GCN1: variants seen among roughly 807,000 people sequenced by gnomAD.
The protein encoded by GCN1 is stalled ribosome sensor GCN1.
Under a neutral mutation model 288.4 loss-of-function variants are expected in GCN1, and 90 were observed. The ratio of observed to expected loss-of-function variants is 0.31; its 90% CI spans 0.26 to 0.37. The LOEUF (loss-of-function observed/expected upper bound fraction) is 0.37, where lower values mean the gene tolerates loss of function less well. Among genes scored for constraint, GCN1 ranks in the 10% least tolerant of loss-of-function variants. GCN1 has a pLI of 1.00. For missense variants in GCN1, 2,586 were observed against 3,419.9 expected (o/e 0.76, Z 6.08); for synonymous variants, 1,386 against 1,420.2 (o/e 0.98, Z 0.54).
Position 120,156,183 on chromosome 12 carries a change from A to G in GCN1, c.3312+278T>C, listed in dbSNP as rs949619602. ...ACATGGCAGTGGGCTAAAGAATTGA[A>G]CTCCTCCTGCAAGTTAGCTCTGTCC... On this transcript the variant is annotated intron_variant, in intron 28 of 57. Transcript: ENST00000300648. The surrounding 1 kb of genome is among the most constrained non-coding windows in gnomAD (Gnocchi z 5.8). 1.3e-5 allele frequency among the ~76,000 whole-genome samples: 2 copies of G among 152,060 alleles called. No individual in the cohort carries two copies. Among genetic ancestry groups the G allele is most frequent in the Admixed American group, 6.5e-5 (1 of 15,268 alleles).
chr12:120,151,114 G>C (rs1046281634), intron 34 of GCN1, 31 bp downstream of exon 34: 1 of 1,603,886 alleles, frequency 6.2e-7, no homozygotes, highest in Non-Finnish European at 8.5e-7. Flanking sequence ...AACTTCCCAT[G>C]CTGGGCAGCC....
chr12:120,170,652 T>C (rs572910946), intron 14 of GCN1, among the ~76,000 whole-genome samples: 21 of 151,456 alleles, frequency 1.4e-4, no homozygotes, highest in Admixed American at 9.9e-4. Context: ...CTATTAAAAA[T>C]ACAAAATTAG....
rs759451631 is a variant in GCN1 at position 120,151,365 on chromosome 12, C to T, written c.4089G>A (p.Leu1363=). 2 of 1,613,726 alleles carry T rather than the reference C, an allele frequency of 1.2e-6. No individual in the cohort carries two copies. Among genetic ancestry groups the T allele is most frequent in the Non-Finnish European group, 8.5e-7 (1 of 1,179,920 alleles). ...QQVQESVASC[L]PPLVPAIKED... The stretch of plus-strand genomic sequence containing the variant: ...CCTTGATGGCTGGCACAAGGGGTGG[C>T]AAGCAGCTGGCTACGGACTCCTGGA... The change falls in exon 34 of 58, where the codon TTG becomes TTA. Residue 1363 remains leucine (L), a synonymous_variant. Coordinates refer to ENST00000300648, the MANE Select transcript of GCN1 (RefSeq NM_006836.2).
chr12:120,134,315 C>G lies in GCN1; in HGVS notation c.7293G>C (p.Leu2431=). Residue 2431 remains leucine (L), a synonymous_variant, in exon 53 of 58, where the codon CTG becomes CTC. Transcript: ENST00000300648. The surrounding 1 kb of genome is among the most constrained non-coding windows in gnomAD (Gnocchi z 5.0). The part of the protein sequence containing the change: ...AVIRKNIVSL[L]LSMLGHDEDN... ...CCTCATCGTGTCCCAGCATGCTCAG[C>G]AGGAGTGAGACGATGTTTTTCCGGA... 2 of 1,613,800 alleles carry G rather than the reference C, an allele frequency of 1.2e-6. No homozygotes were observed. Among genetic ancestry groups the G allele is most frequent in the Non-Finnish European group, 1.7e-6 (2 of 1,179,732 alleles).
In GCN1 at chr12:120,131,976, G is replaced by T. The variant is rs1459601834; in HGVS notation, c.7364C>A (p.Ala2455Asp). 6.2e-7 allele frequency: 1 copy of T among 1,605,622 alleles called. No homozygotes were observed. Among genetic ancestry groups the T allele is most frequent in the South Asian group, 1.1e-5 (1 of 89,494 alleles). ...SSAGCLGELC[A>D]FLTEEELSAV... ...ACTAAGCTCCTCTTCAGTCAAAAAGGCACACAGTTCCCCTAGGCACCCGGC... is the reference window on the plus strand; with the variant it reads ...ACTAAGCTCCTCTTCAGTCAAAAAGTCACACAGTTCCCCTAGGCACCCGGC... The change falls in exon 54 of 58, where the codon GCC (alanine) becomes GAC (aspartate). Residue 2455 changes from alanine to aspartate, a missense_variant. Physicochemically the swap from Ala to Asp is moderately radical, Grantham distance 126. Transcript: ENST00000300648.
intron 37 of GCN1, 83 bp downstream of exon 37, chr12:120,148,084 A>C: frequency 1.1e-6 from 1 of 948,612 alleles, no homozygotes; most frequent in Non-Finnish European, 1.6e-6. Context: ...ATCTTAGCTG[A>C]ATGGGTGCAA....
chr12:120,174,185 C>A lies in GCN1; in HGVS notation c.1094-16G>T, dbSNP rs773303443. On this transcript the variant is annotated splice_polypyrimidine_tract_variant and intron_variant, in intron 12 of 57. Coordinates refer to ENST00000300648, the MANE Select transcript of GCN1 (RefSeq NM_006836.2). ...CTCCCAATCCCTAAAAGGCAGATTC[C>A]CTGTTCAGTCTCTTATCAGCACAGA... 2 of 1,411,418 alleles carry A rather than the reference C, an allele frequency of 1.4e-6. No homozygotes were observed. The allele number at this position is 1,411,418 out of a possible 1,614,324, so 87.4% of individuals were successfully genotyped here. A position where few individuals can be genotyped will look rare whatever the true frequency, so the allele number is the denominator to read the frequency against.
At chr12:120,193,461 A>G (rs1004890080) in intron 1 of GCN1, among the ~76,000 whole-genome samples, 1 of 152,028 alleles carries the variant, frequency 6.6e-6, no homozygotes, top group Non-Finnish European at 1.5e-5. Flanking sequence ...ATGCCACCAT[A>G]CCCGGTTAAT....
Position 120,156,565 on chromosome 12 carries a change from T to C in GCN1, c.3208A>G (p.Ser1070Gly), listed in dbSNP as rs1478607010. ...SDTLTTLCAS[S>G]SGDDGCAFAE... ...AAGGCACAGCCATCATCACCACTGC[T>C]GCTGGCACACAGGGTGGTCAGGGTG... The change falls in exon 28 of 58, where the codon AGC becomes GGC. Residue 1070 changes from serine (S) to glycine (G), a missense_variant. By Grantham distance (56) the Ser-to-Gly change is moderately conservative. This residue lies in a region of GCN1 where 153 missense variants were observed against 252.0 expected (regional missense o/e 0.61). Coordinates refer to ENST00000300648, the MANE Select transcript of GCN1 (RefSeq NM_006836.2). The surrounding 1 kb of genome is among the most constrained non-coding windows in gnomAD (Gnocchi z 5.8). 1.9e-6 allele frequency: 3 copies of C among 1,613,952 alleles called. No individual in the cohort carries two copies. The South Asian group carries it at 3.3e-5, about 18-fold the overall frequency.
intron 21 of GCN1, 88 bp from the exon 22 acceptor site, chr12:120,161,671 G>T: frequency 9.7e-7 from 1 of 1,025,710 alleles, no homozygotes. Flanking sequence ...CCAACTAGCT[G>T]TTAAGCACTG....
intron 14 of GCN1, among the ~76,000 whole-genome samples, chr12:120,171,448 CAG>C (rs1878311610): frequency 6.6e-6 from 1 of 152,086 alleles, no homozygotes; most frequent in Non-Finnish European, 1.5e-5. Context: ...GCCTGGGTGA[CAG>C]AGAGAAACTC....
chr12:120,188,397 G>C (rs947600589), intron 2 of GCN1, among the ~76,000 whole-genome samples: 1 of 140,270 alleles, frequency 7.1e-6, no homozygotes, highest in Non-Finnish European at 1.5e-5. Flanking sequence ...TCGCGCCACA[G>C]CACTCCAGCC....
Position 120,142,097 on chromosome 12 carries a change from C to T in GCN1, c.5829+410G>A, listed in dbSNP as rs570206469. 5.9e-5 allele frequency among the ~76,000 whole-genome samples: 9 copies of T among 152,162 alleles called. No homozygotes were observed. The highest frequency in any genetic ancestry group is 1.9e-4 in the East Asian group (1 of 5,180). On this transcript the variant is annotated intron_variant, in intron 44 of 57. Coordinates refer to ENST00000300648, the MANE Select transcript of GCN1 (RefSeq NM_006836.2). The surrounding 1 kb of genome is among the most constrained non-coding windows in gnomAD (Gnocchi z 4.9). Reference sequence around the variant, plus strand: ...ATCCCAGCACTTTGGGAGGCCGAGACGGGCGCATCACGAGGTCAGGAGATC... The same window carrying T: ...ATCCCAGCACTTTGGGAGGCCGAGATGGGCGCATCACGAGGTCAGGAGATC...
At chr12:120,168,845 T>C (rs964379932) in intron 15 of GCN1, among the ~76,000 whole-genome samples, 1 of 152,186 alleles carries the variant, frequency 6.6e-6, no homozygotes, top group Non-Finnish European at 1.5e-5. Flanking sequence ...TGAAATTTGC[T>C]GAAGAAGGTC....
rs1566295086 is a variant in GCN1 at position 120,129,259 on chromosome 12, G to A, written c.7890+17C>T. On this transcript the variant is annotated intron_variant, in intron 57 of 57. Transcript: ENST00000300648. ...AATGCTCACAGCACATCCTGGTGAG[G>A]CCCCCCAGGCTCCCACCTGAAACAC... The A allele has an allele frequency of 4.5e-6, 7 of 1,566,020 alleles. No individual in the cohort carries two copies. In the East Asian group the frequency reaches 6.7e-5, roughly 15 times the overall value.
Position 120,134,238 on chromosome 12 carries a change from G to A in GCN1, c.7317+53C>T, listed in dbSNP as rs1477178894. ...AAAGTGAAGAACTCAACCTAAGGAG[G>A]AGGAGGGAAACCAGTGGTCCAGTGC... On this transcript the variant is annotated intron_variant, in intron 53 of 57. Transcript: ENST00000300648. This position sits in a 1 kb window ranked among gnomAD's most constrained non-coding sequence, Gnocchi z 5.0. 8.4e-7 allele frequency: 1 copy of A among 1,193,608 alleles called. No individual in the cohort carries two copies. The highest frequency in any genetic ancestry group is 1.3e-6 in the Non-Finnish European group (1 of 799,230). 73.9% of individuals were successfully genotyped at this position (1,193,608 alleles called of 1,614,324 possible). A position where few individuals can be genotyped will look rare whatever the true frequency, so the allele number is the denominator to read the frequency against.
chr12:120,183,070 G>T (rs1049949735), intron 5 of GCN1, among the ~76,000 whole-genome samples: 1 of 152,084 alleles, frequency 6.6e-6, no homozygotes, highest in East Asian at 1.9e-4. Flanking sequence ...GAAAGAAAAA[G>T]AAGAGAATAT....
intron 22 of GCN1, among the ~76,000 whole-genome samples, chr12:120,160,643 G>A (rs966329586): frequency 6.6e-6 from 1 of 152,182 alleles, no homozygotes; most frequent in Admixed American, 6.5e-5. Context: ...ATAAGCTGAA[G>A]CTTAGAAAAG....
intron 9 of GCN1, among the ~76,000 whole-genome samples, chr12:120,177,188 G>A (rs536928667): frequency 4.6e-5 from 7 of 152,168 alleles, no homozygotes; most frequent in Non-Finnish European, 7.4e-5. Flanking sequence ...TCAGCCTCCC[G>A]AGTTGAGCTC....
Sources: gnomAD v4.1 joint callset for allele counts (sites outside exome capture counted in the v4.1 genomes callset) on GRCh38, gnomAD v4.1.1 for gene constraint, gnomAD v4.1.1 regional missense constraint, Gnocchi (gnomAD v3.1) non-coding constraint, MANE v1.5 for transcripts, NCBI Gene and HGNC (gene_info 2026-07-23, HGNC 2026-07-21) for gene names.